FAM181A: variants seen among roughly 807,000 people sequenced by gnomAD.
The protein encoded by FAM181A is family with sequence similarity 181 member A.
In FAM181A, 7 loss-of-function variants were observed where a neutral mutation model predicts 16.3. That is an observed-to-expected ratio of 0.43 (90% CI 0.24 to 0.81). FAM181A has a LOEUF of 0.81. Among genes scored for constraint, FAM181A ranks in the 30% least tolerant of loss-of-function variants. The pLI, the probability that FAM181A is intolerant of heterozygous loss-of-function variation, is 0.24. For synonymous variants in FAM181A, 183 were observed against 164.9 expected (o/e 1.11, Z -0.84); for missense variants, 349 against 377.5 (o/e 0.92, Z 0.63).
chr14:93,925,343 G>A (rs1162152988), upstream of FAM181A: 3 of 1,613,450 alleles, frequency 1.9e-6, no homozygotes, highest in Non-Finnish European at 2.5e-6. Context: ...GAAGGCCTGG[G>A]GAGAAAAGGG....
At chr14:93,921,716 A>C (rs1454198383) in intron 1 of FAM181A, among the ~76,000 whole-genome samples, 2 of 151,990 alleles carry the variant, frequency 1.3e-5, no homozygotes, top group African/African-American at 2.4e-5. Context: ...TCTCCAGGGC[A>C]GGGGTGGCTG....
rs563405537 is a variant in FAM181A, at chr14:93,927,720, C to T, written c.-88+266C>T. The T allele has an allele frequency of 8.4e-6, 9 of 1,071,856 alleles. No individual in the cohort carries two copies. In the South Asian group the frequency reaches 1.6e-4, roughly 19 times the overall value. 66.4% of individuals were successfully genotyped at this position (1,071,856 alleles called of 1,614,324 possible). On this transcript the variant is annotated intron_variant, in intron 1 of 1. Transcript: ENST00000556222. Reference sequence around the variant, plus strand: ...GGGACTGAGGAGGGGGGCTGGTGCTCCTCGTGCTGGGGGCAGGAGTGGTGG... The same window carrying T: ...GGGACTGAGGAGGGGGGCTGGTGCTTCTCGTGCTGGGGGCAGGAGTGGTGG...
chr14:93,926,580 C>T (rs1045179636), upstream of FAM181A, among the ~76,000 whole-genome samples: 7 of 152,192 alleles, frequency 4.6e-5, no homozygotes, highest in African/African-American at 1.4e-4. This position sits in a 1 kb window ranked among gnomAD's most constrained non-coding sequence, Gnocchi z 5.2. Flanking sequence ...ACCTTTTGTC[C>T]GGCTGCGCTG....
At position 93,929,008 on chromosome 14, in the gene FAM181A, T is replaced by C. The variant is rs1013651646; in HGVS notation, c.723T>C (p.Leu241=). ...AGAGTCCTGTCCCCAGCCTGGGCCT[T>C]TGGAGGAAGAGCCCAGCCTTTCCCG... The part of the protein sequence containing the change: ...LPQSPVPSLG[L]WRKSPAFPGE... Residue 241 remains leucine (L), a synonymous_variant, in exon 2 of 2, where the codon CTT becomes CTC. Coordinates refer to ENST00000556222, the MANE Select transcript of FAM181A (RefSeq NM_001207073.2). 1.9e-6 allele frequency: 3 copies of C among 1,609,622 alleles called. No homozygotes were observed. The highest frequency in any genetic ancestry group is 2.5e-6 in the Non-Finnish European group (3 of 1,177,330).
At chr14:93,926,122 G>A (rs574424204), upstream of FAM181A, among the ~76,000 whole-genome samples, 3 of 152,186 alleles carry the variant, frequency 2.0e-5, no homozygotes, top group Non-Finnish European at 4.4e-5. This position sits in a 1 kb window ranked among gnomAD's most constrained non-coding sequence, Gnocchi z 5.2. Context: ...AGTAGAAGGG[G>A]AAGAGAAAAG....
Position 93,929,191 on chromosome 14 carries a change from C to T in FAM181A, c.*27C>T, listed in dbSNP as rs772915193. On this transcript the variant is annotated 3_prime_UTR_variant, in exon 2 of 2. Transcript: ENST00000556222. The stretch of plus-strand genomic sequence containing the variant: ...CACGCGGAGAGGGCCTCAGCCCCCA[C>T]CTCTGGCCTGCAGGAGTGTCGAGGT... The T allele has an allele frequency of 2.1e-5, 32 of 1,507,294 alleles. No individual in the cohort carries two copies. The highest frequency in any genetic ancestry group is 2.8e-5 in the Non-Finnish European group (32 of 1,132,142). The allele number at this position is 1,507,294 out of a possible 1,614,324, so 93.4% of individuals were successfully genotyped here. A position where few individuals can be genotyped will look rare whatever the true frequency, so the allele number is the denominator to read the frequency against.
At chr14:93,922,666 G>A (rs1476677495), upstream of FAM181A, among the ~76,000 whole-genome samples, 2 of 152,090 alleles carry the variant, frequency 1.3e-5, no homozygotes, top group African/African-American at 4.8e-5. Flanking sequence ...CTAGAGCCTG[G>A]GTGACAGAGC....
intron 1 of FAM181A, chr14:93,927,745 G>A: frequency 1.1e-6 from 1 of 881,820 alleles, no homozygotes. Context: ...AGGAGTGGTG[G>A]GAGGGGGAGG....
upstream of FAM181A, chr14:93,925,496 G>A (rs1887870098): frequency 5.3e-6 from 4 of 757,006 alleles, no homozygotes; most frequent in South Asian, 7.7e-5. Context: ...GCTCTCTTCA[G>A]CCACGCGTGC....
chr14:93,927,550 C>A, intron 1 of FAM181A, 96 bp downstream of exon 1: 1 of 1,284,754 alleles, frequency 7.8e-7, no homozygotes, highest in Non-Finnish European at 1.0e-6. Flanking sequence ...TGGGTGGCGG[C>A]CGAGGAGGCA....
Position 93,929,305 on chromosome 14 carries a change from G to A in FAM181A, c.*141G>A. On this transcript the variant is annotated 3_prime_UTR_variant, in exon 2 of 2. Transcript: ENST00000556222. ...GCATGGGAGTGGAGGGCAGGATTGG[G>A]GCAGGGCTCCTCAGGCAGTGACCCT... The A allele has an allele frequency of 1.2e-5, 14 of 1,184,284 alleles. No individual in the cohort carries two copies. Among genetic ancestry groups the A allele is most frequent in the Non-Finnish European group, 1.6e-5 (14 of 887,246 alleles). 73.4% of individuals were successfully genotyped at this position (1,184,284 alleles called of 1,614,324 possible). A position where few individuals can be genotyped will look rare whatever the true frequency, so the allele number is the denominator to read the frequency against.
In FAM181A at chr14:93,928,349, A is replaced by G; in HGVS notation, c.64A>G (p.Lys22Glu). 2 of 1,613,934 alleles carry G rather than the reference A, an allele frequency of 1.2e-6. No individual in the cohort carries two copies. Among genetic ancestry groups the G allele is most frequent in the East Asian group, 2.2e-5 (1 of 44,882 alleles). The change falls in exon 2 of 2, where the codon AAG (lysine) becomes GAG (glutamate). Residue 22 changes from lysine to glutamate, a missense_variant. Coordinates refer to ENST00000556222, the MANE Select transcript of FAM181A (RefSeq NM_001207073.2). Reference protein sequence around the residue: ...NFVNLASSDIKAALDKSAPCR... With the variant: ...NFVNLASSDIEAALDKSAPCR... The stretch of plus-strand genomic sequence containing the variant: ...CGTGAACCTGGCGTCCAGCGACATC[A>G]AGGCAGCCCTGGATAAGTCCGCACC...
Position 93,928,348 on chromosome 14 carries a change from C to A in FAM181A, c.63C>A (p.Ile21=). 1 of 1,613,938 alleles carries A rather than the reference C, an allele frequency of 6.2e-7. No individual in the cohort carries two copies. Among genetic ancestry groups the A allele is most frequent in the South Asian group, 1.1e-5 (1 of 91,088 alleles). Residue 21 remains isoleucine, a synonymous_variant, in exon 2 of 2, where the codon ATC becomes ATA. Coordinates refer to ENST00000556222, the MANE Select transcript of FAM181A (RefSeq NM_001207073.2). ...LNFVNLASSD[I]KAALDKSAPC... ...TCGTGAACCTGGCGTCCAGCGACAT[C>A]AAGGCAGCCCTGGATAAGTCCGCAC...
chr14:93,927,454 G>A lies in FAM181A; in HGVS notation c.-88G>A, dbSNP rs1461878602. On this transcript the variant is annotated splice_region_variant and 5_prime_UTR_variant, in exon 1 of 2. Transcript: ENST00000556222. ...TTGGTGGGGCCTGGGCCGCACCTTC[G>A]GTCAGTGTGGAGGCCCGGTGGCTCT... 9.7e-6 allele frequency: 12 copies of A among 1,232,134 alleles called. No individual in the cohort carries two copies. In the South Asian group the frequency reaches 1.1e-4, roughly 11 times the overall value. 76.3% of individuals were successfully genotyped at this position (1,232,134 alleles called of 1,614,324 possible). A position where few individuals can be genotyped will look rare whatever the true frequency, so the allele number is the denominator to read the frequency against.
At chr14:93,927,300 C>CCCAGCT (rs976712687), upstream of FAM181A, 56 of 1,043,494 alleles carry the variant, frequency 5.4e-5, no homozygotes, top group Non-Finnish European at 6.1e-5. Context: ...TGAGGGGCCC[C>CCCAGCT]CCAGCTCCGG....
At position 93,928,650 on chromosome 14, in the gene FAM181A, C is replaced by G. The variant is rs773454693; in HGVS notation, c.365C>G (p.Ala122Gly). ...CTCCCACAGAGGCAGCATCCAGAAG[C>G]TGCCCAGCCTGGCCAGGTGCCCATG... ...EQLPQRQHPEAAQPGQVPMRK... is the reference protein window; with the variant it reads ...EQLPQRQHPEGAQPGQVPMRK... The change falls in exon 2 of 2, where the codon GCT becomes GGT. Residue 122 changes from alanine to glycine, a missense_variant. Physicochemically the swap from Ala to Gly is moderately conservative, Grantham distance 60. Coordinates refer to ENST00000556222, the MANE Select transcript of FAM181A (RefSeq NM_001207073.2). The G allele has an allele frequency of 2.8e-5, 45 of 1,613,906 alleles. No homozygotes were observed. The South Asian group carries it at 3.8e-4, about 14-fold the overall frequency.
chr14:93,925,641 T>C (rs1034034906), upstream of FAM181A, among the ~76,000 whole-genome samples: 2 of 151,748 alleles, frequency 1.3e-5, no homozygotes, highest in Admixed American at 6.6e-5. Context: ...CATGCAAAGG[T>C]TGCCGCAGGC....
chr14:93,927,060 A>ACACACACACACACACCCACC (rs143090510), upstream of FAM181A: 1 of 153,988 alleles, frequency 6.5e-6, no homozygotes, highest in Non-Finnish European at 1.4e-5. Context: ...ACACACACAC[A>ACACACACACACACACCCACC]CCCCACCCCC....
Position 93,929,425 on chromosome 14 carries a change from A to G in FAM181A, c.*261A>G. 2.2e-6 allele frequency: 1 copy of G among 448,056 alleles called. No individual in the cohort carries two copies. The highest frequency in any genetic ancestry group is 3.2e-5 in the East Asian group (1 of 31,324). The allele number at this position is 448,056 out of a possible 1,614,324, so 27.8% of individuals were successfully genotyped here. On this transcript the variant is annotated 3_prime_UTR_variant, in exon 2 of 2. Transcript: ENST00000556222. ...GCAGCTTGTCCCGCTGTCCCTGTGC[A>G]GACCATAGGTACTGGGATGTTGCCC...
Sources: gnomAD v4.1 joint callset for allele counts (sites outside exome capture counted in the v4.1 genomes callset) on GRCh38, gnomAD v4.1.1 for gene constraint, Gnocchi (gnomAD v3.1) non-coding constraint, MANE v1.5 for transcripts, NCBI Gene and HGNC (gene_info 2026-07-23, HGNC 2026-07-21) for gene names.